ARAP1: variants seen among roughly 807,000 people sequenced by gnomAD.
The protein encoded by ARAP1 is arf-GAP with Rho-GAP domain, ANK repeat and PH domain-containing protein 1.
ARAP1 carries 76 observed loss-of-function variants against 172.2 expected under a neutral mutation model. That is an observed-to-expected ratio of 0.44 (90% confidence interval 0.37 to 0.53). ARAP1 has a LOEUF of 0.53. Among genes scored for constraint, ARAP1 ranks in the 20% least tolerant of loss-of-function variants. The probability of loss-of-function intolerance (pLI) is 0.00; values close to 1 mark genes in which losing one functional copy is unlikely to be tolerated. For missense variants in ARAP1, 1,686 were observed against 1,977.5 expected, an observed-to-expected ratio of 0.85 and a Z score of 2.80; for synonymous variants, 804 against 803.3, an observed-to-expected ratio of 1.00 and a Z score of -0.01.
intron 1 of ARAP1, among the ~76,000 whole-genome samples, chr11:72,745,684 C>A (rs1275578826): frequency 6.6e-6 from 1 of 152,122 alleles, no homozygotes; most frequent in African/African-American, 2.4e-5. Flanking sequence ...AGGAGCCTGG[C>A]CAGGCAATCT....
At chr11:72,711,694 CTTT>C (rs58109830) in intron 7 of ARAP1, among the ~76,000 whole-genome samples, 195 bp from the exon 8 acceptor site, 5 of 118,878 alleles carry the variant, frequency 4.2e-5, no homozygotes, top group Admixed American at 9.1e-5. Flanking sequence ...TAGCACATCT[CTTT>C]TTTTTTTTTT....
At chr11:72,692,348 T>C (rs1486708183) in intron 30 of ARAP1, among the ~76,000 whole-genome samples, 2 of 152,026 alleles carry the variant, frequency 1.3e-5, no homozygotes, top group Non-Finnish European at 1.5e-5. Context: ...CACCCCGGCA[T>C]GTTAGGATCA....
Position 72,712,264 on chromosome 11 carries a change from C to T in ARAP1, c.954G>A (p.Pro318=), listed in dbSNP as rs777509859. The T allele has an allele frequency of 1.1e-5, 18 of 1,603,532 alleles. No individual in the cohort carries two copies. Among genetic ancestry groups the T allele is most frequent in the Admixed American group, 1.0e-4 (6 of 58,644 alleles). The change falls in exon 7 of 35, where the codon CCG becomes CCA. Residue 318 remains proline, a synonymous_variant. Coordinates refer to ENST00000393609, the MANE Select transcript of ARAP1 (RefSeq NM_001040118.3). ...GTGTGACGGGGGTGGAGCCCCCAGG[C>T]GGCCCGTCCATGGGGTGTGGCGCAG... The part of the protein sequence containing the change: ...TIAAPHPMDG[P]PGGSTPVTPV...
intron 11 of ARAP1, among the ~76,000 whole-genome samples, chr11:72,709,074 C>T (rs1349964924): frequency 1.3e-5 from 2 of 149,618 alleles, no homozygotes; most frequent in Admixed American, 6.6e-5. Context: ...AGGAAAGGCA[C>T]GAGTCCTTCC....
chr11:72,737,587 T>A (rs1214544351), intron 1 of ARAP1, among the ~76,000 whole-genome samples: 2 of 151,598 alleles, frequency 1.3e-5, no homozygotes, highest in South Asian at 2.1e-4. Context: ...GGCAACCATG[T>A]GCCCAGCCCC....
chr11:72,691,667 C>G (rs766294408), intron 30 of ARAP1, among the ~76,000 whole-genome samples: 1 of 152,180 alleles, frequency 6.6e-6, no homozygotes, highest in Non-Finnish European at 1.5e-5. Context: ...CAGATGACCT[C>G]AGGAAATGCA....
rs199584464 is a variant in ARAP1 at position 72,685,674 on chromosome 11, C to T, written c.4343G>A (p.Arg1448His). 3.7e-6 allele frequency: 6 copies of T among 1,614,034 alleles called. No homozygotes were observed. Among genetic ancestry groups the T allele is most frequent in the East Asian group, 2.2e-5 (1 of 44,884 alleles). ...AFTADPLSLL[R>H]NV Reference sequence around the variant, plus strand: ...GATGGGCTCCTGTGCTCAGACGTTGCGCAGAAGCTGCAGGAAGGCAAGAGA... The same window carrying T: ...GATGGGCTCCTGTGCTCAGACGTTGTGCAGAAGCTGCAGGAAGGCAAGAGA... Residue 1448 changes from arginine (R) to histidine (H), a missense_variant, in exon 35 of 35, where the codon CGC becomes CAC. Transcript: ENST00000393609.
At chr11:72,705,721 G>A in intron 13 of ARAP1, 84 bp downstream of exon 13, 1 of 1,430,704 alleles carries the variant, frequency 7.0e-7, no homozygotes, top group Non-Finnish European at 9.8e-7. Flanking sequence ...TGTGGTCACT[G>A]AGATAGGGAG....
chr11:72,720,754 G>A (rs1291759581), intron 3 of ARAP1, among the ~76,000 whole-genome samples: 1 of 152,110 alleles, frequency 6.6e-6, no homozygotes, highest in Admixed American at 6.5e-5. Flanking sequence ...TTCTGCTAGG[G>A]GCTTTTTTTC....
In ARAP1 at chr11:72,714,283, A is replaced by G; in HGVS notation, c.548T>C (p.Leu183Ser). Reference sequence around the variant, plus strand: ...AGACTGTGGCTGGGGAGGGGATGATAATGATGGCAGCAATGACTCCTCCTC... The same window carrying G: ...AGACTGTGGCTGGGGAGGGGATGATGATGATGGCAGCAATGACTCCTCCTC... ...TKEEESLLPS[L>S]SSPPQPQSEE... The change falls in exon 4 of 35, where the codon TTA becomes TCA. Residue 183 changes from leucine (L) to serine (S), a missense_variant. Around this residue, in one of 5 missense-constraint regions of ARAP1, gnomAD observed 155 missense variants for 129.2 expected, o/e 1.20. Coordinates refer to ENST00000393609, the MANE Select transcript of ARAP1 (RefSeq NM_001040118.3). 1 of 1,545,056 alleles carries G rather than the reference A, an allele frequency of 6.5e-7. No homozygotes were observed. The highest frequency in any genetic ancestry group is 8.7e-7 in the Non-Finnish European group (1 of 1,145,046).
intron 12 of ARAP1, among the ~76,000 whole-genome samples, chr11:72,706,434 G>T (rs558100450): frequency 1.3e-5 from 2 of 152,164 alleles, no homozygotes; most frequent in South Asian, 2.1e-4. Flanking sequence ...GCAGCCCACA[G>T]CCACCACCTG....
chr11:72,687,606 G>T (rs1489305170), intron 32 of ARAP1, 82 bp downstream of exon 32: 26 of 1,612,092 alleles, frequency 1.6e-5, no homozygotes, highest in South Asian at 6.6e-5. Flanking sequence ...CACAGATCTG[G>T]GCAGTGATGA....
intron 14 of ARAP1, 30 bp from the exon 15 acceptor site, chr11:72,703,109 A>G: frequency 1.3e-6 from 2 of 1,512,364 alleles, no homozygotes; most frequent in Non-Finnish European, 1.8e-6. Flanking sequence ...GGTCAGCCCA[A>G]GAAGGAGTAG....
intron 33 of ARAP1, 45 bp from the exon 34 acceptor site, chr11:72,686,236 C>G (rs755747763): frequency 6.3e-7 from 1 of 1,584,256 alleles, no homozygotes; most frequent in Non-Finnish European, 8.6e-7. Context: ...TCAGTTCACC[C>G]AGACACTCAG....
chr11:72,745,282 G>C (rs1487097314), intron 1 of ARAP1, among the ~76,000 whole-genome samples: 1 of 145,330 alleles, frequency 6.9e-6, no homozygotes, highest in Non-Finnish European at 1.5e-5. Context: ...TCCGCCTCAC[G>C]GGTTCACGCC....
At chr11:72,735,825 G>A (rs574243368) in intron 1 of ARAP1, among the ~76,000 whole-genome samples, 14 of 152,228 alleles carry the variant, frequency 9.2e-5, no homozygotes, top group South Asian at 6.2e-4. Context: ...ACGGTGACTC[G>A]GCACTGACAC....
intron 15 of ARAP1, 23 bp downstream of exon 15, chr11:72,702,882 C>A (rs1300738703): frequency 5.2e-6 from 8 of 1,550,790 alleles, no homozygotes; most frequent in Non-Finnish European, 7.0e-6. Flanking sequence ...GCCTGGTGGA[C>A]CCCCACCCTC....
chr11:72,704,379 G>C (rs1445022053), intron 13 of ARAP1, 45 bp from the exon 14 acceptor site: 2 of 1,493,726 alleles, frequency 1.3e-6, no homozygotes, highest in African/African-American at 2.8e-5. Context: ...TGACAGCCAG[G>C]GGCCGTGCCG....
chr11:72,685,784 CG>C (rs1459556621), intron 34 of ARAP1, 103 bp from the exon 35 acceptor site: 1 of 1,505,348 alleles, frequency 6.6e-7, no homozygotes, highest in Non-Finnish European at 9.2e-7. Context: ...CACTGCCAGC[CG>C]GGGAGCACTC....
Sources: gnomAD v4.1 joint callset for allele counts (sites outside exome capture counted in the v4.1 genomes callset) on GRCh38, gnomAD v4.1.1 for gene constraint, gnomAD v4.1.1 regional missense constraint, MANE v1.5 for transcripts, NCBI Gene and HGNC (gene_info 2026-07-23, HGNC 2026-07-21) for gene names.